PTPRD: variants seen among roughly 807,000 people sequenced by gnomAD.
PTPRD encodes the protein protein tyrosine phosphatase receptor type D, also known as receptor-type tyrosine-protein phosphatase delta.
PTPRD carries 34 observed loss-of-function variants against 214.5 expected under a neutral mutation model. The observed-to-expected ratio is 0.16, with a 90% CI of 0.12 to 0.21. The LOEUF is 0.21. Among genes scored for constraint, PTPRD ranks in the 10% least tolerant of loss-of-function variants. PTPRD has a pLI of 1.00. For synonymous variants in PTPRD, 1,128 were observed against 845.7 expected (o/e 1.33, Z -5.79); for missense variants, 2,545 against 2,398.7 (o/e 1.06, Z -1.27).
At chr9:9,685,887 G>A (rs1251713731) in intron 7 of PTPRD, among the ~76,000 whole-genome samples, 1 of 151,068 alleles carries the variant, frequency 6.6e-6, no homozygotes, top group African/African-American at 2.4e-5. Flanking sequence ...TCTCAAAAAG[G>A]AATTACTATA....
At chr9:10,426,106 A>C (rs1299184210) in intron 2 of PTPRD, among the ~76,000 whole-genome samples, 1 of 152,016 alleles carries the variant, frequency 6.6e-6, no homozygotes, top group Non-Finnish European at 1.5e-5. Context: ...TGCAATACTA[A>C]AGCCAATGCT....
At chr9:8,375,905 T>C (rs200797537) in intron 39 of PTPRD, 31 bp downstream of exon 39, 1 of 1,594,336 alleles carries the variant, frequency 6.3e-7, no homozygotes, top group Non-Finnish European at 8.5e-7. Context: ...GCTTTCTGTT[T>C]CCTGACTGCA....
rs535808474 is a variant in PTPRD at position 9,661,844 on chromosome 9, G to A, written c.-287+72689C>T. 2.0e-5 allele frequency among the ~76,000 whole-genome samples: 3 copies of A among 151,826 alleles called. No homozygotes were observed. In the East Asian group the frequency reaches 5.8e-4, roughly 29 times the overall value. Reference sequence around the variant, plus strand: ...GAAAAAGACCTTGTGTAAATAAGGAGATTTGAGTGCTTGTTTCAGCCCAGA... The same window carrying A: ...GAAAAAGACCTTGTGTAAATAAGGAAATTTGAGTGCTTGTTTCAGCCCAGA... On this transcript the variant is annotated intron_variant, in intron 7 of 45. Transcript: ENST00000381196.
intron 5 of PTPRD, among the ~76,000 whole-genome samples, chr9:9,807,245 C>T (rs1050348417): frequency 6.6e-6 from 1 of 152,250 alleles, no homozygotes; most frequent in Non-Finnish European, 1.5e-5. Flanking sequence ...AGGTAACAAT[C>T]TGAGTGGTGT....
At chr9:10,462,328 T>C (rs2098965022) in intron 2 of PTPRD, among the ~76,000 whole-genome samples, 1 of 152,166 alleles carries the variant, frequency 6.6e-6, no homozygotes, top group Non-Finnish European at 1.5e-5. Flanking sequence ...GAGTATTTTA[T>C]ATAATCTGCA....
chr9:10,527,695 A>C (rs185218812), intron 2 of PTPRD, among the ~76,000 whole-genome samples: 47 of 152,268 alleles, frequency 3.1e-4, no homozygotes, highest in Non-Finnish European at 5.9e-4. Flanking sequence ...CACCATAAGA[A>C]GATTCACACT....
chr9:8,331,959 A>C (rs539135664), intron 43 of PTPRD, among the ~76,000 whole-genome samples: 2 of 150,690 alleles, frequency 1.3e-5, no homozygotes, highest in Admixed American at 6.6e-5. Context: ...TGAAATCCTA[A>C]ATTTATTTAC....
At chr9:8,571,336 C>T (rs746627984) in intron 14 of PTPRD, among the ~76,000 whole-genome samples, 7 of 152,088 alleles carry the variant, frequency 4.6e-5, no homozygotes, top group East Asian at 1.9e-4. Context: ...AACAATTACA[C>T]GCTATTTTCC....
At chr9:8,420,465 G>A (rs1211645196) in intron 35 of PTPRD, among the ~76,000 whole-genome samples, 1 of 152,116 alleles carries the variant, frequency 6.6e-6, no homozygotes, top group Admixed American at 6.6e-5. Context: ...TGGGAGAAAT[G>A]AGCAGCTTTG....
chr9:8,719,675 G>C (rs1230126672), intron 12 of PTPRD, among the ~76,000 whole-genome samples: 1 of 151,368 alleles, frequency 6.6e-6, no homozygotes, highest in Non-Finnish European at 1.5e-5. Context: ...TACAGTGGCA[G>C]AGTTGAATAG....
chr9:9,751,753 G>A (rs180856604), intron 6 of PTPRD, among the ~76,000 whole-genome samples: 7 of 152,130 alleles, frequency 4.6e-5, no homozygotes, highest in Non-Finnish European at 8.8e-5. Flanking sequence ...GCTAGGAGGG[G>A]GCGTGTCTCA....
intron 9 of PTPRD, among the ~76,000 whole-genome samples, chr9:9,188,349 T>C (rs1470476584): frequency 4.6e-5 from 7 of 152,068 alleles, no homozygotes; most frequent in Non-Finnish European, 8.8e-5. Context: ...CTTGTAGATA[T>C]TTCTTGGTAT....
At chr9:9,162,460 C>G (rs555975030) in intron 10 of PTPRD, among the ~76,000 whole-genome samples, 3 of 152,224 alleles carry the variant, frequency 2.0e-5, no homozygotes, top group African/African-American at 7.2e-5. Context: ...AAGTAACAAC[C>G]AGCATACACC....
At chr9:10,159,105 C>A (rs562145843) in intron 3 of PTPRD, among the ~76,000 whole-genome samples, 210 of 151,836 alleles carry the variant, frequency 1.4e-3, no homozygotes, top group African/African-American at 4.9e-3. Flanking sequence ...AGACTGTATT[C>A]TAATTATTTA....
At chr9:9,040,268 G>C (rs2099635452) in intron 10 of PTPRD, among the ~76,000 whole-genome samples, 1 of 152,128 alleles carries the variant, frequency 6.6e-6, no homozygotes. Flanking sequence ...CTCAGATTCA[G>C]ATACTTTTAC....
chr9:8,417,394 T>C (rs887042955), intron 35 of PTPRD, among the ~76,000 whole-genome samples: 1 of 152,146 alleles, frequency 6.6e-6, no homozygotes, highest in Non-Finnish European at 1.5e-5. Flanking sequence ...TGAATAGCCA[T>C]AATGCAGCAA....
intron 2 of PTPRD, among the ~76,000 whole-genome samples, chr9:10,406,194 G>T (rs1164021614): frequency 1.3e-5 from 2 of 151,276 alleles, no homozygotes; most frequent in Non-Finnish European, 3.0e-5. Flanking sequence ...AAATAAGGAT[G>T]ATATTTGTTA....
chr9:10,591,795 T>C (rs970197499), intron 2 of PTPRD, among the ~76,000 whole-genome samples: 5 of 152,208 alleles, frequency 3.3e-5, no homozygotes, highest in Admixed American at 6.5e-5. Flanking sequence ...TTTCTTTCTG[T>C]TGCTCATGCT....
chr9:8,317,236 C>T lies in PTPRD; in HGVS notation c.*638G>A, dbSNP rs7863978. 10,600 of 231,454 alleles carry T rather than the reference C, an allele frequency of 0.046. 327 individuals are homozygous for T. Among genetic ancestry groups the T allele is most frequent in the Middle Eastern group, 0.089 (69 of 772 alleles). 14.3% of individuals were successfully genotyped at this position (231,454 alleles called of 1,614,324 possible). On this transcript the variant is annotated 3_prime_UTR_variant, in exon 46 of 46. Transcript: ENST00000381196. Reference sequence around the variant, plus strand: ...CAGTTCTACAGCTTAAAAAAACCTACGATTTGGAAATAAAAAAATGAAGAG... The same window carrying T: ...CAGTTCTACAGCTTAAAAAAACCTATGATTTGGAAATAAAAAAATGAAGAG...
Sources: allele counts gnomAD v4.1 joint callset (sites outside exome capture counted in the v4.1 genomes callset), GRCh38; gene constraint gnomAD v4.1.1; transcripts MANE v1.5; gene names NCBI Gene and HGNC (gene_info 2026-07-23, HGNC 2026-07-21).